Variants in ADAMTSL1 observed in about 807,000 individuals in gnomAD.
ADAMTSL1 encodes ADAMTS-like protein 1.
In ADAMTSL1, 126 loss-of-function variants were observed where a neutral mutation model predicts 201.8. The ratio of observed to expected loss-of-function variants is 0.62; its 90% CI spans 0.54 to 0.72. The LOEUF (loss-of-function observed/expected upper bound fraction) is 0.72, where lower values mean the gene tolerates loss of function less well. Ranked by LOEUF, ADAMTSL1 falls within the 30% of genes least tolerant of loss-of-function variation. The pLI is 0.00. For missense variants in ADAMTSL1, 2,679 were observed against 2,277.8 expected, an observed-to-expected ratio of 1.18 and a Z score of -3.59; for synonymous variants, 1,121 against 903.4, an observed-to-expected ratio of 1.24 and a Z score of -4.32.
At chr9:18,007,110 A>G (rs771103548) in intron 1 of ADAMTSL1, among the ~76,000 whole-genome samples, 5 of 152,040 alleles carry the variant, frequency 3.3e-5, no homozygotes, top group African/African-American at 4.8e-5. Flanking sequence ...TTTGCCAAGC[A>G]TTTCCTTTGA....
chr9:18,653,667 C>T (rs1249176210), intron 7 of ADAMTSL1, among the ~76,000 whole-genome samples: 2 of 151,040 alleles, frequency 1.3e-5, no homozygotes, highest in African/African-American at 4.9e-5. Context: ...GGCTGAACTG[C>T]ACTATTTTCC....
At chr9:18,549,783 G>C (rs1820686379) in intron 3 of ADAMTSL1, among the ~76,000 whole-genome samples, 1 of 151,958 alleles carries the variant, frequency 6.6e-6, no homozygotes, top group African/African-American at 2.4e-5. Flanking sequence ...TCTTGCTTTA[G>C]TGACCAACGA....
At chr9:18,485,571 AT>A (rs1369651296) in intron 1 of ADAMTSL1, among the ~76,000 whole-genome samples, 1 of 152,184 alleles carries the variant, frequency 6.6e-6, no homozygotes, top group African/African-American at 2.4e-5. Flanking sequence ...GGATGCTGGC[AT>A]TTTTCTGTCT....
At chr9:18,531,828 AG>A (rs1434852995) in intron 2 of ADAMTSL1, among the ~76,000 whole-genome samples, 5 of 152,196 alleles carry the variant, frequency 3.3e-5, no homozygotes, top group African/African-American at 1.2e-4. Context: ...GAGGCATTAA[AG>A]CATTGTGATC....
intron 1 of ADAMTSL1, among the ~76,000 whole-genome samples, chr9:17,968,288 A>T (rs1818057635): frequency 6.6e-6 from 1 of 152,062 alleles, no homozygotes; most frequent in Non-Finnish European, 1.5e-5. Flanking sequence ...TCAGGTATGG[A>T]TGCATTTGTG....
At chr9:18,254,299 A>G (rs1208839158) in intron 2 of ADAMTSL1, among the ~76,000 whole-genome samples, 1 of 121,818 alleles carries the variant, frequency 8.2e-6, no homozygotes, top group Non-Finnish European at 1.7e-5. Flanking sequence ...TTTTCATAGT[A>G]TCTTAAACAG....
chr9:18,595,602 C>T (rs888029012), intron 4 of ADAMTSL1, among the ~76,000 whole-genome samples: 2 of 152,196 alleles, frequency 1.3e-5, no homozygotes, highest in African/African-American at 2.4e-5. Flanking sequence ...CCAGGCTTGA[C>T]GTATGGACAA....
At position 18,741,657 on chromosome 9, in the gene ADAMTSL1, G is replaced by A. The variant is rs541044384; in HGVS notation, c.2007-11641G>A. 6.6e-5 allele frequency among the ~76,000 whole-genome samples: 10 copies of A among 152,284 alleles called. No homozygotes were observed. In the South Asian group the frequency reaches 1.2e-3, roughly 19 times the overall value. ...AGACTAGTGTCTGAAATCAAAGTAC[G>A]GACAGGGCCATGCTCCTTCTAAAAC... is the stretch of plus-strand genomic sequence containing the variant. On this transcript the variant is annotated intron_variant, in intron 15 of 28. Transcript: ENST00000380548.
chr9:17,910,994 T>C lies in ADAMTSL1; in HGVS notation c.87+4072T>C, dbSNP rs1313808861. ...TCCCGTGTAGATACTGTAGCTATAG[T>C]GAAAGGAGACTGTGCAGTCAAGAGC... On this transcript the variant is annotated intron_variant, in intron 1 of 29. Transcript: ENST00000680146. Among the ~76,000 whole-genome samples, 2 of 67,938 alleles carry C rather than the reference T, an allele frequency of 2.9e-5. 1 individual carries two copies. 44.6% of individuals were successfully genotyped at this position (67,938 alleles called of 152,430 possible). A position where few individuals can be genotyped will look rare whatever the true frequency, so the allele number is the denominator to read the frequency against.
At chr9:18,187,657 A>G (rs1009151337) in intron 2 of ADAMTSL1, among the ~76,000 whole-genome samples, 6 of 152,094 alleles carry the variant, frequency 3.9e-5, no homozygotes, top group Admixed American at 1.3e-4. Flanking sequence ...TTTAATATAT[A>G]TTTGGACTTT....
At chr9:18,662,700 TG>T (rs1829179124) in intron 9 of ADAMTSL1, among the ~76,000 whole-genome samples, 1 of 152,234 alleles carries the variant, frequency 6.6e-6, no homozygotes, top group Admixed American at 6.5e-5. Flanking sequence ...ATTTGCTTTT[TG>T]GAAACTACAG....
chr9:18,214,819 C>T (rs552005308), intron 2 of ADAMTSL1, among the ~76,000 whole-genome samples: 1 of 152,094 alleles, frequency 6.6e-6, no homozygotes. Context: ...TAGGAAGCCA[C>T]ACAAAAGCTT....
chr9:18,517,004 A>G (rs1033616076), intron 2 of ADAMTSL1, among the ~76,000 whole-genome samples: 1 of 152,238 alleles, frequency 6.6e-6, no homozygotes, highest in Non-Finnish European at 1.5e-5. Context: ...TTTCTAGCTC[A>G]AGGCTTGTAT....
chr9:17,942,093 G>A (rs1382728388), intron 1 of ADAMTSL1, among the ~76,000 whole-genome samples: 1 of 152,088 alleles, frequency 6.6e-6, no homozygotes, highest in Non-Finnish European at 1.5e-5. Context: ...CCTATATAAG[G>A]TATATAATAG....
At chr9:18,251,822 G>A (rs1802300346) in intron 2 of ADAMTSL1, among the ~76,000 whole-genome samples, 1 of 152,156 alleles carries the variant, frequency 6.6e-6, no homozygotes, top group South Asian at 2.1e-4. Flanking sequence ...TCAAATATAT[G>A]TGAGAAATTA....
In ADAMTSL1 at chr9:18,498,569, C is replaced by T. The variant is rs536157735; in HGVS notation, c.64-6260C>T. Among the ~76,000 whole-genome samples the T allele has an allele frequency of 2.0e-5, 3 of 152,224 alleles. No individual in the cohort carries two copies. The East Asian group carries it at 5.8e-4, about 29-fold the overall frequency. The stretch of plus-strand genomic sequence containing the variant: ...GTCAGGCTGGTCTCAAAGTCTTGCC[C>T]TCAGCTGATCCGCCCGCCTCGGCCT... On this transcript the variant is annotated intron_variant, in intron 1 of 28. Coordinates refer to ENST00000380548, the MANE Select transcript of ADAMTSL1 (RefSeq NM_001040272.6).
intron 25 of ADAMTSL1, among the ~76,000 whole-genome samples, 174 bp from the exon 26 acceptor site, chr9:18,892,215 A>C (rs897838552): frequency 5.9e-5 from 9 of 152,242 alleles, no homozygotes; most frequent in African/African-American, 2.2e-4. Flanking sequence ...TTTGACATGG[A>C]TATCTTTTGG....
chr9:17,966,336 T>C (rs1817977119), intron 1 of ADAMTSL1, among the ~76,000 whole-genome samples: 1 of 152,102 alleles, frequency 6.6e-6, no homozygotes, highest in Non-Finnish European at 1.5e-5. Flanking sequence ...ATAAAACAAG[T>C]ACAAAAACCA....
chr9:18,490,534 A>G (rs1419958394), intron 1 of ADAMTSL1, among the ~76,000 whole-genome samples: 1 of 152,170 alleles, frequency 6.6e-6, no homozygotes, highest in Non-Finnish European at 1.5e-5. Flanking sequence ...TGAAACTAGA[A>G]TCCTGGAGAT....
Sources: gnomAD v4.1 joint callset for allele counts (sites outside exome capture counted in the v4.1 genomes callset) on GRCh38, gnomAD v4.1.1 for gene constraint, MANE v1.5 for transcripts, NCBI Gene and HGNC (gene_info 2026-07-23, HGNC 2026-07-21) for gene names.